The following ARB2A variants were observed in gnomAD, a reference collection of about 807,000 sequenced individuals.
ARB2A encodes cotranscriptional regulator ARB2A.
At chr5:93,764,654 C>A in the ARB2A span, among the ~76,000 whole-genome samples, 1 of 152,178 alleles carries the variant, frequency 6.6e-6, no homozygotes, top group African/African-American at 2.4e-5. Context: ...GAAACTATTC[C>A]TATCAATAGA....
At chr5:93,734,191 T>C in the ARB2A span, 4 of 152,152 alleles carry the variant, frequency 2.6e-5, no homozygotes, top group Admixed American at 2.0e-4. Flanking sequence ...GTGCCAAGGA[T>C]TGATAAAAGT....
chr5:93,712,957 AG>A, the ARB2A span, among the ~76,000 whole-genome samples: 10 of 152,196 alleles, frequency 6.6e-5, no homozygotes, highest in Non-Finnish European at 1.3e-4. Context: ...CACTGGGGAA[AG>A]GACAGTCTCC....
At chr5:94,078,227 G>A in the ARB2A span, among the ~76,000 whole-genome samples, 4 of 152,114 alleles carry the variant, frequency 2.6e-5, no homozygotes, top group African/African-American at 7.2e-5. Flanking sequence ...CACAGAACAC[G>A]TAAAATTGGG....
the ARB2A span, among the ~76,000 whole-genome samples, chr5:93,730,734 T>C: frequency 6.6e-6 from 1 of 152,166 alleles, no homozygotes; most frequent in East Asian, 1.9e-4. Context: ...ACAGCTTTCT[T>C]AATAAGTTCA....
chr5:93,998,510 T>G, the ARB2A span, among the ~76,000 whole-genome samples: 1 of 152,022 alleles, frequency 6.6e-6, no homozygotes, highest in South Asian at 2.1e-4. Context: ...CAAATTATAC[T>G]TTGCATTAAA....
chr5:93,628,217 A>G, the ARB2A span, among the ~76,000 whole-genome samples: 1 of 151,588 alleles, frequency 6.6e-6, no homozygotes, highest in African/African-American at 2.4e-5. Context: ...CGCCCGGCTA[A>G]TTTTTGTATT....
chr5:93,646,926 A>G, the ARB2A span, among the ~76,000 whole-genome samples: 1 of 152,178 alleles, frequency 6.6e-6, no homozygotes. Flanking sequence ...CAATTTCAAC[A>G]AATTTAAAAA....
At chr5:93,688,414 C>T in the ARB2A span, among the ~76,000 whole-genome samples, 2 of 152,182 alleles carry the variant, frequency 1.3e-5, no homozygotes, top group Non-Finnish European at 2.9e-5. Context: ...ATTCTATAGC[C>T]TAATTATCTG....
the ARB2A span, among the ~76,000 whole-genome samples, chr5:94,016,429 C>A: frequency 6.6e-6 from 1 of 152,176 alleles, no homozygotes; most frequent in Non-Finnish European, 1.5e-5. Context: ...CAATGACAGT[C>A]ACAAATGGAT....
chr5:93,709,715 T>C, the ARB2A span, among the ~76,000 whole-genome samples: 1 of 151,678 alleles, frequency 6.6e-6, no homozygotes, highest in Non-Finnish European at 1.5e-5. Flanking sequence ...TTAGTTTTAT[T>C]GTGTTACATA....
chr5:93,743,473 G>T, the ARB2A span: 3 of 892,448 alleles, frequency 3.4e-6, no homozygotes, highest in Non-Finnish European at 4.0e-6. Flanking sequence ...AAAACAGCTT[G>T]CAATATACAG....
At chr5:93,690,269 A>G in the ARB2A span, among the ~76,000 whole-genome samples, 1 of 152,050 alleles carries the variant, frequency 6.6e-6, no homozygotes, top group Non-Finnish European at 1.5e-5. Flanking sequence ...AGTGGATCCC[A>G]CCCCCATGGA....
At chr5:93,855,948 G>T in the ARB2A span, among the ~76,000 whole-genome samples, 1 of 151,888 alleles carries the variant, frequency 6.6e-6, no homozygotes, top group Non-Finnish European at 1.5e-5. Context: ...ACCAGTAACG[G>T]AACAAAGCTG....
At chr5:93,797,466 G>T in the ARB2A span, among the ~76,000 whole-genome samples, 1 of 152,078 alleles carries the variant, frequency 6.6e-6, no homozygotes, top group Non-Finnish European at 1.5e-5. Context: ...ATAAGCATCA[G>T]TATTTATTAT....
At chr5:94,071,545 G>T in the ARB2A span, among the ~76,000 whole-genome samples, 2 of 151,960 alleles carry the variant, frequency 1.3e-5, no homozygotes, top group Admixed American at 6.6e-5. Flanking sequence ...AAACTCAATA[G>T]TTTTAAAAAC....
the ARB2A span, among the ~76,000 whole-genome samples, chr5:93,655,625 T>A: frequency 6.6e-6 from 1 of 152,166 alleles, no homozygotes; most frequent in African/African-American, 2.4e-5. Context: ...AGACATTTGG[T>A]TGGATTAGTG....
At chr5:93,620,773 A>C in the ARB2A span, 1 of 501,622 alleles carries the variant, frequency 2.0e-6, no homozygotes, top group Non-Finnish European at 3.2e-6. Flanking sequence ...GCCCGCGCTC[A>C]GCCCGCAGGA....
the ARB2A span, among the ~76,000 whole-genome samples, chr5:93,721,482 A>G: frequency 1.3e-5 from 2 of 152,194 alleles, no homozygotes; most frequent in Non-Finnish European, 2.9e-5. Flanking sequence ...TGATGCACTA[A>G]TTACCATATT....
At chr5:93,889,502 C>T in the ARB2A span, among the ~76,000 whole-genome samples, 2 of 151,878 alleles carry the variant, frequency 1.3e-5, no homozygotes, top group South Asian at 2.1e-4. Context: ...TTCTTTGTAA[C>T]CTTTTAAATG....
Sources: gnomAD v4.1 joint callset for allele counts (sites outside exome capture counted in the v4.1 genomes callset) on GRCh38, gnomAD v4.1.1 for gene constraint, MANE v1.5 for transcripts, NCBI Gene and HGNC (gene_info 2026-07-23, HGNC 2026-07-21) for gene names.